The following GLRA1 variants were observed in gnomAD, a reference collection of about 807,000 sequenced individuals.
GLRA1 encodes glycine receptor alpha 1.
Under a neutral mutation model 48.3 loss-of-function variants are expected in GLRA1, and 37 were observed. The ratio of observed to expected loss-of-function variants is 0.77; its 90% CI spans 0.59 to 1.01. The LOEUF (loss-of-function observed/expected upper bound fraction) is 1.01, where lower values mean the gene tolerates loss of function less well. Among genes scored for constraint, GLRA1 ranks in the 50% least tolerant of loss-of-function variants. GLRA1 has a pLI of 0.00. For synonymous variants in GLRA1, 196 were observed against 210.7 expected (o/e 0.93, Z 0.60); for missense variants, 427 against 571.0 (o/e 0.75, Z 2.57).
intron 3 of GLRA1, among the ~76,000 whole-genome samples, chr5:151,866,449 A>C (rs1405233318): frequency 6.6e-6 from 1 of 152,188 alleles, no homozygotes; most frequent in African/African-American, 2.4e-5. Flanking sequence ...AGTAGGAAGC[A>C]TGAAGTGTTT....
chr5:151,919,574 A>G (rs1459918847), intron 1 of GLRA1, among the ~76,000 whole-genome samples: 1 of 152,260 alleles, frequency 6.6e-6, no homozygotes, highest in African/African-American at 2.4e-5. Context: ...ATTTCTTATA[A>G]TAATTGAAAT....
In GLRA1 at chr5:151,924,798, A is replaced by G; in HGVS notation, c.-249T>C. ...TCCAGACCTGCTTTTCAGGAGCGCG[A>G]AGAGTATTGCTGTTTGTTAAACTCC... On this transcript the variant is annotated 5_prime_UTR_variant, in exon 1 of 9. Coordinates refer to ENST00000274576, the MANE Select transcript of GLRA1 (RefSeq NM_000171.4). 3 of 590,110 alleles carry G rather than the reference A, an allele frequency of 5.1e-6. No individual in the cohort carries two copies. Among genetic ancestry groups the G allele is most frequent in the East Asian group, 2.9e-5 (1 of 34,400 alleles). The allele number at this position is 590,110 out of a possible 1,614,324, so 36.6% of individuals were successfully genotyped here.
At chr5:151,873,665 CAA>C (rs60113920) in intron 3 of GLRA1, among the ~76,000 whole-genome samples, 368 of 107,856 alleles carry the variant, frequency 3.4e-3, no homozygotes, top group Middle Eastern at 0.011. Context: ...CACTTTGTCT[CAA>C]AAAAAAAAAA....
chr5:151,858,081 T>G (rs4076138), intron 4 of GLRA1, among the ~76,000 whole-genome samples: 1 of 151,978 alleles, frequency 6.6e-6, no homozygotes, highest in Non-Finnish European at 1.5e-5. Flanking sequence ...TACCCTAAGA[T>G]ACCTAATTGG....
intron 1 of GLRA1, among the ~76,000 whole-genome samples, chr5:151,893,192 C>T (rs1754126280): frequency 6.6e-6 from 1 of 152,106 alleles, no homozygotes. Flanking sequence ...CTCTCCCACC[C>T]CACACCCATT....
chr5:151,833,697 A>G (rs904955158), intron 7 of GLRA1, among the ~76,000 whole-genome samples: 3 of 150,456 alleles, frequency 2.0e-5, no homozygotes, highest in African/African-American at 4.9e-5. Context: ...TCCTGACCTC[A>G]GGCTATCCAC....
At chr5:151,894,201 C>CA (rs1156738277) in intron 1 of GLRA1, among the ~76,000 whole-genome samples, 1 of 152,056 alleles carries the variant, frequency 6.6e-6, no homozygotes, top group East Asian at 1.9e-4. Context: ...TCATGCAGCG[C>CA]ATAATGTTCC....
intron 7 of GLRA1, among the ~76,000 whole-genome samples, chr5:151,844,379 TG>T (rs1752609410): frequency 6.6e-6 from 1 of 151,598 alleles, no homozygotes; most frequent in South Asian, 2.1e-4. Context: ...CCCAGCACTT[TG>T]GGAGGCTGAG....
rs569073897 is a variant in GLRA1, at chr5:151,870,144, G to A, written c.253-10136C>T. ...GGTAGATCAAGGAAATATAGTAGAC[G>A]TAGTATACTGGGGACCCACTGAGCC... On this transcript the variant is annotated intron_variant, in intron 3 of 8. Coordinates refer to ENST00000274576, the MANE Select transcript of GLRA1 (RefSeq NM_000171.4). Among the ~76,000 whole-genome samples, 6 of 149,464 alleles carry A rather than the reference G, an allele frequency of 4.0e-5. 1 individual carries two copies. The highest frequency in any genetic ancestry group is 5.9e-5 in the Non-Finnish European group (4 of 67,982).
chr5:151,880,410 T>G (rs1366548886), intron 3 of GLRA1, among the ~76,000 whole-genome samples: 1 of 152,210 alleles, frequency 6.6e-6, no homozygotes, highest in African/African-American at 2.4e-5. Context: ...CCATTGCCCC[T>G]TAAAGTCAAA....
Position 151,822,535 on chromosome 5 carries a change from T to G in GLRA1, c.*138A>C, listed in dbSNP as rs1314282090. ...TTGTAAAATTCATGCATCACTGCATTTTGCTATTGCACATATTGCAGAGAG... is the reference window on the plus strand; with the variant it reads ...TTGTAAAATTCATGCATCACTGCATGTTGCTATTGCACATATTGCAGAGAG... On this transcript the variant is annotated 3_prime_UTR_variant, in exon 9 of 9. Transcript: ENST00000274576. The G allele has an allele frequency of 1.4e-6, 1 of 704,742 alleles. No homozygotes were observed. Among genetic ancestry groups the G allele is most frequent in the African/African-American group, 1.8e-5 (1 of 57,052 alleles). The allele number at this position is 704,742 out of a possible 1,614,324, so 43.7% of individuals were successfully genotyped here. A position where few individuals can be genotyped will look rare whatever the true frequency, so the allele number is the denominator to read the frequency against.
intron 1 of GLRA1, among the ~76,000 whole-genome samples, chr5:151,897,380 G>A (rs1581653883): frequency 6.6e-6 from 1 of 152,152 alleles, no homozygotes; most frequent in East Asian, 1.9e-4. Context: ...AGAGGAGCTG[G>A]GAATGAATCT....
chr5:151,865,159 A>C (rs1221842196), intron 3 of GLRA1, among the ~76,000 whole-genome samples: 5 of 152,202 alleles, frequency 3.3e-5, no homozygotes. Flanking sequence ...TATTCTAGGC[A>C]CTGAGGAATC....
At chr5:151,849,806 G>C (rs1034799626) in intron 7 of GLRA1, 24 of 1,058,524 alleles carry the variant, frequency 2.3e-5, no homozygotes, top group Admixed American at 1.0e-4. Flanking sequence ...CAACTGCCTT[G>C]GCCTCCCAGA....
intron 5 of GLRA1, among the ~76,000 whole-genome samples, chr5:151,855,484 C>T (rs1172307610): frequency 6.6e-6 from 1 of 152,122 alleles, no homozygotes; most frequent in Non-Finnish European, 1.5e-5. Context: ...TTGCCAGCCT[C>T]CTCTTTTGCT....
intron 1 of GLRA1, among the ~76,000 whole-genome samples, chr5:151,895,156 G>T (rs1320286966): frequency 6.6e-6 from 1 of 152,128 alleles, no homozygotes; most frequent in Non-Finnish European, 1.5e-5. Flanking sequence ...AGTGAATTGG[G>T]TCACATAGGT....
Position 151,870,109 on chromosome 5 carries a change from C to G in GLRA1, c.253-10101G>C, listed in dbSNP as rs751060165. The stretch of plus-strand genomic sequence containing the variant: ...TAAATATTAAATACAATATGTTAGA[C>G]TATCTATTGGGTAGATCAAGGAAAT... On this transcript the variant is annotated intron_variant, in intron 3 of 8. Coordinates refer to ENST00000274576, the MANE Select transcript of GLRA1 (RefSeq NM_000171.4). Among the ~76,000 whole-genome samples, 32 of 149,458 alleles carry G rather than the reference C, an allele frequency of 2.1e-4. 1 individual carries two copies. Among genetic ancestry groups the G allele is most frequent in the Non-Finnish European group, 3.5e-4 (24 of 67,984 alleles).
rs569689000 is a variant in GLRA1, at chr5:151,906,609, G to A, written c.57-14171C>T. 2.1e-3 allele frequency among the ~76,000 whole-genome samples: 313 copies of A among 152,286 alleles called. 1 individual carries two copies. The highest frequency in any genetic ancestry group is 3.5e-3 in the Non-Finnish European group (240 of 68,018). ...TCCATTGGGCTGTTGGGGGAAGAGG[G>A]ACCCAACTTAATAAAATAATTTTTT... On this transcript the variant is annotated intron_variant, in intron 1 of 8. Coordinates refer to ENST00000274576, the MANE Select transcript of GLRA1 (RefSeq NM_000171.4).
chr5:151,914,937 C>T (rs576906578), intron 1 of GLRA1, among the ~76,000 whole-genome samples: 1 of 152,198 alleles, frequency 6.6e-6, no homozygotes. Context: ...TAGTCTCCTC[C>T]TTCCTCCTCC....
Sources: gnomAD v4.1 joint callset for allele counts (sites outside exome capture counted in the v4.1 genomes callset) on GRCh38, gnomAD v4.1.1 for gene constraint, MANE v1.5 for transcripts, NCBI Gene and HGNC (gene_info 2026-07-23, HGNC 2026-07-21) for gene names.